SH3RF3: variants seen among roughly 807,000 people sequenced by gnomAD.
SH3RF3 encodes SH3 domain containing ring finger 3.
A neutral mutation model predicts 66.3 loss-of-function variants in SH3RF3; 29 were observed. The ratio of observed to expected loss-of-function variants is 0.44; its 90% CI spans 0.33 to 0.60. The LOEUF is 0.60. SH3RF3 is among the 20% of genes least tolerant of loss of function. The pLI is 0.04. For missense variants in SH3RF3, 1,194 were observed against 1,190.9 expected (o/e 1.00, Z -0.04); for synonymous variants, 583 against 532.0 (o/e 1.10, Z -1.32).
At chr2:109,325,527 C>T (rs1682133230) in intron 1 of SH3RF3, among the ~76,000 whole-genome samples, 1 of 151,672 alleles carries the variant, frequency 6.6e-6, no homozygotes, top group South Asian at 2.1e-4. Context: ...TTCTTGGTTC[C>T]CCGCTTCCCC....
chr2:109,445,670 A>C lies in SH3RF3; in HGVS notation c.1829-3500A>C, dbSNP rs180911750. On this transcript the variant is annotated intron_variant, in intron 7 of 9. Transcript: ENST00000309415. ...TATGAGAGAAGGGATGAGCCAGAGA[A>C]GGTATCAAGGATGTGGGTGAAGGCG... Among the ~76,000 whole-genome samples, 230 of 152,110 alleles carry C rather than the reference A, an allele frequency of 1.5e-3. 2 individuals are homozygous for C. Among genetic ancestry groups the C allele is most frequent in the Middle Eastern group, 3.4e-3 (1 of 292 alleles).
chr2:109,174,248 A>G (rs916170420), intron 1 of SH3RF3, among the ~76,000 whole-genome samples: 1 of 152,218 alleles, frequency 6.6e-6, no homozygotes, highest in Non-Finnish European at 1.5e-5. Context: ...AGTTTTATCT[A>G]TGACTGGGAA....
chr2:109,240,526 G>T (rs965408589), intron 1 of SH3RF3, among the ~76,000 whole-genome samples: 1 of 152,114 alleles, frequency 6.6e-6, no homozygotes, highest in Non-Finnish European at 1.5e-5. Context: ...CAGAGTCAGG[G>T]TTGGGCTTGA....
At chr2:109,442,083 G>A (rs10178711) in intron 7 of SH3RF3, among the ~76,000 whole-genome samples, 10,956 of 152,160 alleles carry the variant, frequency 0.072, 438 homozygotes, top group African/African-American at 0.11. Flanking sequence ...AGGCTGAGAC[G>A]GGTGGATCAC....
rs1677792767 is a variant in SH3RF3 at position 109,449,173 on chromosome 2, C to G, written c.1832C>G (p.Ala611Gly). The change falls in exon 8 of 10, where the codon GCC (alanine) becomes GGC (glycine). Residue 611 changes from alanine (A) to glycine (G), a missense_variant. Transcript: ENST00000309415. ...SQARSTISTA[A>G]HSAAQAQDRP... is the part of the protein sequence containing the mutation. ...GTCTCTCCAACCCCGTCTCCAGCTGCCCACTCTGCAGCCCAGGCTCAGGAC... is the reference window on the plus strand; with the variant it reads ...GTCTCTCCAACCCCGTCTCCAGCTGGCCACTCTGCAGCCCAGGCTCAGGAC... The G allele has an allele frequency of 1.9e-6, 3 of 1,613,150 alleles. No homozygotes were observed. The African/African-American group carries it at 4.0e-5, about 22-fold the overall frequency.
intron 3 of SH3RF3, among the ~76,000 whole-genome samples, chr2:109,388,807 G>A (rs531302054): frequency 1.3e-4 from 20 of 150,316 alleles, no homozygotes; most frequent in African/African-American, 4.9e-4. Flanking sequence ...TGTTCTCCTA[G>A]GGTTGCTCTG....
chr2:109,186,703 C>G (rs1366456216), intron 1 of SH3RF3, among the ~76,000 whole-genome samples: 1 of 152,308 alleles, frequency 6.6e-6, no homozygotes, highest in East Asian at 1.9e-4. Context: ...AAAGGAGCCA[C>G]ACACACAGCT....
chr2:109,333,073 C>T (rs1682326568), intron 1 of SH3RF3, among the ~76,000 whole-genome samples: 2 of 152,230 alleles, frequency 1.3e-5, no homozygotes, highest in South Asian at 4.1e-4. Flanking sequence ...TGCCTGGTGC[C>T]CTGCAGCTCC....
intron 1 of SH3RF3, among the ~76,000 whole-genome samples, chr2:109,294,151 C>T (rs146804377): frequency 2.0e-5 from 3 of 152,268 alleles, no homozygotes; most frequent in East Asian, 3.9e-4. Flanking sequence ...TTACTCTGCC[C>T]GAAAGTCTTT....
At chr2:109,334,358 T>TAAAA (rs372662372) in intron 1 of SH3RF3, among the ~76,000 whole-genome samples, 2 of 126,118 alleles carry the variant, frequency 1.6e-5, no homozygotes, top group Non-Finnish European at 1.6e-5. Flanking sequence ...TTTTTTCCTT[T>TAAAA]AAAAAAAAAA....
At position 109,223,398 on chromosome 2, in the gene SH3RF3, G is replaced by A. The variant is rs570501651; in HGVS notation, c.573+93285G>A. On this transcript the variant is annotated intron_variant, in intron 1 of 9. Transcript: ENST00000309415. ...GAGTGGCCACTAGGAGCTGCCGTGTGCTCGCTGTGATGGAGTTGCCGAAGT... is the reference window on the plus strand; with the variant it reads ...GAGTGGCCACTAGGAGCTGCCGTGTACTCGCTGTGATGGAGTTGCCGAAGT... Among the ~76,000 whole-genome samples the A allele has an allele frequency of 3.9e-5, 6 of 152,340 alleles. No individual in the cohort carries two copies. The South Asian group carries it at 1.2e-3, about 32-fold the overall frequency.
intron 1 of SH3RF3, among the ~76,000 whole-genome samples, chr2:109,163,420 A>G: frequency 1.6e-5 from 1 of 60,898 alleles, no homozygotes; most frequent in Non-Finnish European, 2.6e-5. Flanking sequence ...TTTTTTTGAG[A>G]CGGAGTCTCG....
At chr2:109,131,371 A>G (rs1038213055) in intron 1 of SH3RF3, among the ~76,000 whole-genome samples, 1 of 152,162 alleles carries the variant, frequency 6.6e-6, no homozygotes, top group Non-Finnish European at 1.5e-5. Flanking sequence ...AAATCCAGCT[A>G]AATGCTTGCG....
chr2:109,143,603 A>G (rs1677018361), intron 1 of SH3RF3, among the ~76,000 whole-genome samples: 1 of 152,056 alleles, frequency 6.6e-6, no homozygotes, highest in Non-Finnish European at 1.5e-5. Context: ...AGAAAAAAAG[A>G]ATCAGCTGGG....
At chr2:109,441,413 C>T (rs557154256) in intron 7 of SH3RF3, among the ~76,000 whole-genome samples, 2 of 152,116 alleles carry the variant, frequency 1.3e-5, no homozygotes, top group South Asian at 4.2e-4. Flanking sequence ...CAAGAATATA[C>T]TAGATGGAAT....
intron 1 of SH3RF3, among the ~76,000 whole-genome samples, chr2:109,344,711 G>A (rs560662204): frequency 9.9e-5 from 15 of 152,278 alleles, no homozygotes; most frequent in African/African-American, 3.6e-4. Flanking sequence ...AAGCTCAGAA[G>A]TGGAGTTGGC....
At chr2:109,299,683 T>C (rs1003283359) in intron 1 of SH3RF3, among the ~76,000 whole-genome samples, 2 of 152,218 alleles carry the variant, frequency 1.3e-5, no homozygotes, top group African/African-American at 4.8e-5. Flanking sequence ...AAGCCAGTTC[T>C]GCCCGGAATG....
intron 2 of SH3RF3, among the ~76,000 whole-genome samples, chr2:109,366,154 T>C (rs1263307645): frequency 2.0e-5 from 3 of 152,210 alleles, no homozygotes; most frequent in African/African-American, 7.2e-5. Flanking sequence ...GCATATATAT[T>C]TTCAAACTTT....
Position 109,415,476 on chromosome 2 carries a change from G to A in SH3RF3, c.1300-4063G>A, listed in dbSNP as rs530803303. On this transcript the variant is annotated intron_variant, in intron 4 of 9. Transcript: ENST00000309415. ...CTACCATCACGGGTGCTACAGTCGCGGCTGCTATTCCTACTAACAGCCCCC... is the reference window on the plus strand; with the variant it reads ...CTACCATCACGGGTGCTACAGTCGCAGCTGCTATTCCTACTAACAGCCCCC... 1.1e-3 allele frequency among the ~76,000 whole-genome samples: 174 copies of A among 152,176 alleles called. 1 individual carries two copies. The highest frequency in any genetic ancestry group is 2.9e-3 in the African/African-American group (120 of 41,510).
Sources: allele counts gnomAD v4.1 joint callset (sites outside exome capture counted in the v4.1 genomes callset), GRCh38; gene constraint gnomAD v4.1.1; transcripts MANE v1.5; gene names NCBI Gene and HGNC (gene_info 2026-07-23, HGNC 2026-07-21).